CNBD1: variants seen among roughly 807,000 people sequenced by gnomAD.
CNBD1 encodes the protein cyclic nucleotide binding domain containing 1, also known as cyclic nucleotide-binding domain-containing protein 1.
A neutral mutation model predicts 54.4 loss-of-function variants in CNBD1; 71 were observed. The observed-to-expected ratio is 1.30, with a 90% CI of 1.08 to 1.59. The LOEUF is 1.59. Among genes scored for constraint, CNBD1 ranks in the 40% most tolerant of loss-of-function variants. The pLI, the probability that CNBD1 is intolerant of heterozygous loss-of-function variation, is 0.00. For missense variants in CNBD1, 659 were observed against 518.0 expected (o/e 1.27, Z -2.64); for synonymous variants, 182 against 170.7 (o/e 1.07, Z -0.51).
intron 4 of CNBD1, among the ~76,000 whole-genome samples, chr8:86,988,607 C>A (rs1266919442): frequency 6.6e-6 from 1 of 152,052 alleles, no homozygotes. Flanking sequence ...CCCTGTTGTG[C>A]TATGAAAGAC....
intron 4 of CNBD1, among the ~76,000 whole-genome samples, chr8:87,039,320 T>A (rs564933497): frequency 2.0e-5 from 3 of 152,200 alleles, no homozygotes; most frequent in African/African-American, 7.2e-5. Flanking sequence ...CTTTCCTATA[T>A]TTGCCTTCCT....
intron 2 of CNBD1, among the ~76,000 whole-genome samples, chr8:87,399,689 G>T (rs1305905182): frequency 6.6e-6 from 1 of 151,954 alleles, no homozygotes; most frequent in East Asian, 1.9e-4. Flanking sequence ...AGGATCCTAA[G>T]GCATCCCTGA....
chr8:87,237,586 A>G (rs1003693425), intron 6 of CNBD1, among the ~76,000 whole-genome samples: 4 of 152,176 alleles, frequency 2.6e-5, no homozygotes, highest in African/African-American at 7.2e-5. Context: ...TTTTGCATCT[A>G]TATAATATTT....
At chr8:87,077,960 A>G (rs760789674) in intron 4 of CNBD1, among the ~76,000 whole-genome samples, 1 of 152,122 alleles carries the variant, frequency 6.6e-6, no homozygotes, top group Non-Finnish European at 1.5e-5. Flanking sequence ...GTCAAATGGT[A>G]TTTCTAAAAG....
downstream of CNBD1, among the ~76,000 whole-genome samples, chr8:87,383,071 G>T (rs149319642): frequency 8.3e-3 from 1,257 of 151,908 alleles, 7 homozygotes; most frequent in African/African-American, 0.028. Flanking sequence ...ATATGTAAAA[G>T]GCAAAAAGAC....
At chr8:87,024,123 C>G (rs1246017898) in intron 4 of CNBD1, among the ~76,000 whole-genome samples, 2 of 150,678 alleles carry the variant, frequency 1.3e-5, no homozygotes, top group Non-Finnish European at 3.0e-5. Flanking sequence ...CCTGTAATCT[C>G]AGATACTTGG....
chr8:87,226,956 A>G (rs2130815436), intron 5 of CNBD1, among the ~76,000 whole-genome samples: 1 of 151,804 alleles, frequency 6.6e-6, no homozygotes, highest in East Asian at 1.9e-4. Flanking sequence ...TAGGATAGTT[A>G]GCTCTTCTTG....
chr8:87,400,742 GA>G (rs1040542498), intron 2 of CNBD1, among the ~76,000 whole-genome samples: 3 of 151,372 alleles, frequency 2.0e-5, no homozygotes, highest in Admixed American at 6.6e-5. Context: ...ATTCTCAAAG[GA>G]AAAAAAATTA....
intron 10 of CNBD1, among the ~76,000 whole-genome samples, chr8:87,361,307 T>G (rs1810520131): frequency 6.6e-6 from 1 of 151,874 alleles, no homozygotes; most frequent in Non-Finnish European, 1.5e-5. Context: ...AAAATAATAT[T>G]TTATTTGCAA....
intron 4 of CNBD1, among the ~76,000 whole-genome samples, chr8:86,954,644 A>G (rs1807713463): frequency 6.6e-6 from 1 of 152,134 alleles, no homozygotes; most frequent in Non-Finnish European, 1.5e-5. Flanking sequence ...ATGTAAATCT[A>G]TTTTCAGTAG....
intron 8 of CNBD1, among the ~76,000 whole-genome samples, chr8:87,298,289 G>T (rs1365278660): frequency 6.6e-6 from 1 of 151,740 alleles, no homozygotes; most frequent in Non-Finnish European, 1.5e-5. Flanking sequence ...GAAATCTTAA[G>T]TATTCCCCTC....
intron 4 of CNBD1, among the ~76,000 whole-genome samples, chr8:87,149,572 G>C (rs1812559917): frequency 6.6e-6 from 1 of 152,058 alleles, no homozygotes; most frequent in African/African-American, 2.4e-5. Context: ...TGATTCAGTT[G>C]GTGGCTACAG....
intron 4 of CNBD1, among the ~76,000 whole-genome samples, chr8:87,147,180 C>T (rs1243467958): frequency 3.3e-5 from 5 of 152,084 alleles, no homozygotes; most frequent in Admixed American, 3.3e-4. Context: ...TACCTAGTCA[C>T]TCTGTACTAA....
intron 10 of CNBD1, among the ~76,000 whole-genome samples, chr8:87,361,051 G>A (rs552684772): frequency 4.0e-5 from 6 of 151,830 alleles, no homozygotes; most frequent in African/African-American, 1.4e-4. Context: ...TAATAAAAAG[G>A]ATTTAAGCTC....
At chr8:87,047,589 GC>G (rs1016034703) in intron 4 of CNBD1, among the ~76,000 whole-genome samples, 6 of 152,154 alleles carry the variant, frequency 3.9e-5, no homozygotes, top group Non-Finnish European at 7.3e-5. Context: ...TAATAACTAA[GC>G]AAAATATTAC....
chr8:87,264,859 C>G (rs1385169527), intron 6 of CNBD1, among the ~76,000 whole-genome samples: 2 of 151,842 alleles, frequency 1.3e-5, no homozygotes, highest in South Asian at 2.1e-4. Context: ...TTGTTTTTTT[C>G]TTGTAAATTT....
chr8:87,030,964 C>G (rs957213271), intron 4 of CNBD1, among the ~76,000 whole-genome samples: 16 of 133,432 alleles, frequency 1.2e-4, no homozygotes, highest in South Asian at 5.6e-4. Flanking sequence ...TCCTCTCCCC[C>G]CTTCTTTCTC....
Position 86,878,105 on chromosome 8 carries a change from T to TGTGTGTGTGTGAGAGA in CNBD1, c.89-9436_89-9435insTGTGTGTGTGAGAGAG, listed in dbSNP as rs56785226. ...CTGTGTGTGTGTGTGTGTGTGTGTGTGAGAGAGAGAGAGAGAGAGAGAGAG... is the reference window on the plus strand; with the variant it reads ...CTGTGTGTGTGTGTGTGTGTGTGTGTGTGTGTGTGTGAGAGAGAGAGAGAGAGAGAGAGAGAGAGAG... On this transcript the variant is annotated intron_variant, in intron 1 of 10. Transcript: ENST00000518476. 7.8e-5 allele frequency among the ~76,000 whole-genome samples: 11 copies of TGTGTGTGTGTGAGAGA among 140,970 alleles called. No homozygotes were observed. In the East Asian group the frequency reaches 8.6e-4, roughly 11 times the overall value. 92.5% of individuals were successfully genotyped at this position (140,970 alleles called of 152,430 possible). A position where few individuals can be genotyped will look rare whatever the true frequency, so the allele number is the denominator to read the frequency against.
At chr8:87,041,574 G>A (rs534389875) in intron 4 of CNBD1, among the ~76,000 whole-genome samples, 18 of 151,964 alleles carry the variant, frequency 1.2e-4, no homozygotes, top group South Asian at 8.3e-4. Flanking sequence ...CAAGGCAGGC[G>A]GATCATGAGG....
Sources: gnomAD v4.1 joint callset for allele counts (sites outside exome capture counted in the v4.1 genomes callset) on GRCh38, gnomAD v4.1.1 for gene constraint, MANE v1.5 for transcripts, NCBI Gene and HGNC (gene_info 2026-07-23, HGNC 2026-07-21) for gene names.